Variants in HDDC2 observed in about 807,000 individuals in gnomAD.
The protein encoded by HDDC2 is HD domain containing 2.
In HDDC2, 25 loss-of-function variants were observed where a neutral mutation model predicts 25.5. That is an observed-to-expected ratio of 0.98 (90% confidence interval 0.72 to 1.37). The LOEUF (loss-of-function observed/expected upper bound fraction) is 1.37. Among genes scored for constraint, HDDC2 ranks in the 40% most tolerant of loss-of-function variants. The probability of loss-of-function intolerance (pLI) is 0.00; values close to 1 mark genes in which losing one functional copy is unlikely to be tolerated. For synonymous variants in HDDC2, 106 were observed against 89.7 expected, an observed-to-expected ratio of 1.18 and a Z score of -1.03; for missense variants, 264 against 253.1, an observed-to-expected ratio of 1.04 and a Z score of -0.29.
At chr6:125,285,139 G>T (rs1583050828) in intron 4 of HDDC2, among the ~76,000 whole-genome samples, 1 of 99,320 alleles carries the variant, frequency 1.0e-5, no homozygotes, top group Non-Finnish European at 1.9e-5. Flanking sequence ...ACAGGGAGGG[G>T]AACATCACAC....
At chr6:125,277,617 T>C (rs74521489) in intron 4 of HDDC2, 6,349 of 166,822 alleles carry the variant, frequency 0.038, 443 homozygotes, top group African/African-American at 0.14. Context: ...TTTCGTCTTA[T>C]GCCTCTCAAA....
At chr6:125,300,336 T>G (rs890502784) in intron 2 of HDDC2, 3 of 580,732 alleles carry the variant, frequency 5.2e-6, no homozygotes, top group Non-Finnish European at 2.9e-6. Flanking sequence ...GCTCTATCAC[T>G]TGCCAACAGA....
intron 5 of HDDC2, chr6:125,276,867 G>A (rs75048999): frequency 0.012 from 6,189 of 515,336 alleles, 280 homozygotes; most frequent in African/African-American, 0.11. Context: ...TTCTCTCACC[G>A]TCTTTTCTTG....
intron 1 of HDDC2, 49 bp downstream of exon 1, chr6:125,301,800 C>T: frequency 7.1e-7 from 1 of 1,411,920 alleles, no homozygotes; most frequent in Non-Finnish European, 9.6e-7. Flanking sequence ...TCCGCCGCCC[C>T]ACAGTCCCGC....
rs754408791 is a variant in HDDC2, at chr6:125,276,174, G to GCT, written c.585_586dup (p.Ala196GlufsTer39). On this transcript the variant is annotated frameshift_variant, in exon 6 of 6. Coordinates refer to ENST00000398153, the MANE Select transcript of HDDC2 (RefSeq NM_016063.3). LOFTEE classifies it high-confidence loss of function. The stretch of plus-strand genomic sequence containing the variant: ...GGAGTGTGGCTCACTGGCAGCTGCA[G>GCT]CTATGTTAGTGCTTCTTTCTGCCTC... 1 of 1,613,862 alleles carries GCT rather than the reference G, an allele frequency of 6.2e-7. No individual in the cohort carries two copies. The highest frequency in any genetic ancestry group is 1.1e-5 in the South Asian group (1 of 91,080).
At position 125,276,443 on chromosome 6, in the gene HDDC2, T is replaced by C. The variant is rs1798371103; in HGVS notation, c.518-200A>G. ...GGCATTTACGCTCTGTCACCCCAGG[T>C]GCAACTGAGAATAAGGATGAGACTC... On this transcript the variant is annotated intron_variant, in intron 5 of 5. Coordinates refer to ENST00000398153, the MANE Select transcript of HDDC2 (RefSeq NM_016063.3). 6 of 570,636 alleles carry C rather than the reference T, an allele frequency of 1.1e-5. No homozygotes were observed. In the Admixed American group the frequency reaches 1.3e-4, roughly 12 times the overall value. 35.3% of individuals were successfully genotyped at this position (570,636 alleles called of 1,614,324 possible). A position where few individuals can be genotyped will look rare whatever the true frequency, so the allele number is the denominator to read the frequency against.
intron 3 of HDDC2, among the ~76,000 whole-genome samples, chr6:125,296,611 C>A (rs892144607): frequency 5.3e-5 from 8 of 152,314 alleles, no homozygotes; most frequent in Admixed American, 3.9e-4. Context: ...GCTCTCCAAG[C>A]CTTTGGTTTC....
intron 4 of HDDC2, chr6:125,279,372 G>C (rs1481003621): frequency 1.3e-5 from 2 of 152,122 alleles, no homozygotes; most frequent in African/African-American, 4.8e-5. Flanking sequence ...AGATAACACA[G>C]ATGAAGAAAA....
At chr6:125,278,286 T>G (rs1460443159) in intron 4 of HDDC2, 2 of 152,362 alleles carry the variant, frequency 1.3e-5, no homozygotes, top group African/African-American at 4.8e-5. Context: ...AAAAATAATT[T>G]CATTTTATTT....
At chr6:125,280,578 C>T (rs1798442436) in intron 4 of HDDC2, among the ~76,000 whole-genome samples, 1 of 152,218 alleles carries the variant, frequency 6.6e-6, no homozygotes, top group South Asian at 2.1e-4. Flanking sequence ...ATTTCTGAGG[C>T]TTGAGTGTAA....
intron 4 of HDDC2, among the ~76,000 whole-genome samples, chr6:125,285,536 C>A (rs921141482): frequency 6.6e-6 from 1 of 151,542 alleles, no homozygotes; most frequent in Admixed American, 6.6e-5. Flanking sequence ...GATAAGGTGA[C>A]AAATAGTGAA....
chr6:125,299,798 T>C (rs1203948988), intron 2 of HDDC2, among the ~76,000 whole-genome samples: 1 of 152,208 alleles, frequency 6.6e-6, no homozygotes, highest in Non-Finnish European at 1.5e-5. Flanking sequence ...AATTTCTCAT[T>C]TGCAAAATAC....
At chr6:125,300,771 G>T in intron 1 of HDDC2, 112 bp from the exon 2 acceptor site, 1 of 1,080,832 alleles carries the variant, frequency 9.3e-7, no homozygotes, top group Non-Finnish European at 1.3e-6. Context: ...CATAATTTCA[G>T]AACCTATTAC....
rs772056827 is a variant in HDDC2, at chr6:125,298,761, C to G, written c.262G>C (p.Ala88Pro). Residue 88 changes from alanine (A) to proline (P), a missense_variant, in exon 3 of 6, where the codon GCA (alanine) becomes CCA (proline). Coordinates refer to ENST00000398153, the MANE Select transcript of HDDC2 (RefSeq NM_016063.3). ...TCTTTGGGGATGTTATCTGCTGGTGCTATGTCCCCAACGATGCATTCTGCC... is the reference window on the plus strand; with the variant it reads ...TCTTTGGGGATGTTATCTGCTGGTGGTATGTCCCCAACGATGCATTCTGCC... ...DMAECIVGDI[A>P]PADNIPKEEK... 1.2e-6 allele frequency: 2 copies of G among 1,614,084 alleles called. No homozygotes were observed. Among genetic ancestry groups the G allele is most frequent in the Non-Finnish European group, 1.7e-6 (2 of 1,179,978 alleles).
At chr6:125,294,463 C>A (rs1399454770) in intron 3 of HDDC2, among the ~76,000 whole-genome samples, 1 of 152,124 alleles carries the variant, frequency 6.6e-6, no homozygotes, top group Non-Finnish European at 1.5e-5. Flanking sequence ...TACATGCATT[C>A]TCCCTTGTTT....
chr6:125,277,369 T>C (rs1452057560), intron 4 of HDDC2, 129 bp from the exon 5 acceptor site: 3 of 819,630 alleles, frequency 3.7e-6, no homozygotes, highest in Non-Finnish European at 5.8e-6. Flanking sequence ...CCCATTTCTC[T>C]ACTGTTTAGA....
At chr6:125,281,553 G>A (rs1042495086) in intron 4 of HDDC2, among the ~76,000 whole-genome samples, 1 of 152,096 alleles carries the variant, frequency 6.6e-6, no homozygotes, top group South Asian at 2.1e-4. Context: ...TGAGAACTTC[G>A]TGAAGCACAC....
chr6:125,298,202 AACAAATCT>A (rs553176806), intron 3 of HDDC2, among the ~76,000 whole-genome samples: 465 of 151,854 alleles, frequency 3.1e-3, no homozygotes, highest in Middle Eastern at 0.01. Context: ...ATTCCCATGT[AACAAATCT>A]ACACATGTAC....
chr6:125,281,058 C>T (rs1173304538), intron 4 of HDDC2, among the ~76,000 whole-genome samples: 1 of 152,214 alleles, frequency 6.6e-6, no homozygotes, highest in East Asian at 1.9e-4. Flanking sequence ...GATACTCAGG[C>T]AAACAGGGTC....
Sources: gnomAD v4.1 joint callset for allele counts (sites outside exome capture counted in the v4.1 genomes callset) on GRCh38, gnomAD v4.1.1 for gene constraint, MANE v1.5 for transcripts, NCBI Gene and HGNC (gene_info 2026-07-23, HGNC 2026-07-21) for gene names.